PRKAR1B: variants seen among roughly 807,000 people sequenced by gnomAD.
PRKAR1B encodes cAMP-dependent protein kinase type I-beta regulatory subunit.
A neutral mutation model predicts 46.5 loss-of-function variants in PRKAR1B; 22 were observed. That is an observed-to-expected ratio of 0.47 (90% CI 0.34 to 0.68). The LOEUF (loss-of-function observed/expected upper bound fraction) is 0.68, where lower values mean the gene tolerates loss of function less well. Ranked by LOEUF, PRKAR1B falls within the 30% of genes least tolerant of loss-of-function variation. The pLI, the probability that PRKAR1B is intolerant of heterozygous loss-of-function variation, is 0.01. For synonymous variants in PRKAR1B, 259 were observed against 217.7 expected (o/e 1.19, Z -1.67); for missense variants, 445 against 535.6 (o/e 0.83, Z 1.67).
chr7:570,899 C>G (rs899619002), intron 9 of PRKAR1B, among the ~76,000 whole-genome samples: 1 of 152,150 alleles, frequency 6.6e-6, no homozygotes, highest in African/African-American at 2.4e-5. Context: ...CCAGCACTCT[C>G]TGTGTCGGGT....
chr7:615,968 CAGAA>C (rs747301907), intron 4 of PRKAR1B, among the ~76,000 whole-genome samples: 107 of 148,142 alleles, frequency 7.2e-4, no homozygotes, highest in South Asian at 2.4e-3. Context: ...AAAAAAGAAA[CAGAA>C]AGAGAGAAAG....
At chr7:551,879 A>C (rs1450768561) in intron 9 of PRKAR1B, among the ~76,000 whole-genome samples, 9 of 35,550 alleles carry the variant, frequency 2.5e-4, no homozygotes, top group Admixed American at 7.9e-4. Context: ...CCAAACCCCC[A>C]CCTCCCGCCC....
intron 2 of PRKAR1B, among the ~76,000 whole-genome samples, chr7:703,613 G>A (rs796567406): frequency 5.3e-5 from 8 of 149,784 alleles, no homozygotes; most frequent in South Asian, 4.2e-4. Context: ...CCGAGATCAC[G>A]TCACTGCACT....
chr7:554,995 G>C (rs563256986), intron 9 of PRKAR1B, among the ~76,000 whole-genome samples: 1 of 152,314 alleles, frequency 6.6e-6, no homozygotes, highest in South Asian at 2.1e-4. Flanking sequence ...GGGGCACAGA[G>C]GCTGCCGTGG....
intron 8 of PRKAR1B, among the ~76,000 whole-genome samples, chr7:580,521 T>C (rs1583239139): frequency 6.6e-6 from 1 of 152,162 alleles, no homozygotes; most frequent in East Asian, 1.9e-4. Flanking sequence ...TGTTGCAACA[T>C]TAAGGCACAG....
chr7:706,707 G>A (rs1455000821), intron 2 of PRKAR1B, among the ~76,000 whole-genome samples: 1 of 151,328 alleles, frequency 6.6e-6, no homozygotes, highest in Non-Finnish European at 1.5e-5. Flanking sequence ...TTACAGGCAT[G>A]AGCCACCGCG....
chr7:677,109 C>T lies in PRKAR1B; in HGVS notation c.440+120G>A. ...ATTCCCAGGCGAGCAACGGGGGCTG[C>T]CCACCTCCTGGAGGCCAGGGAGGGA... On this transcript the variant is annotated intron_variant, in intron 4 of 10. Coordinates refer to ENST00000537384, the MANE Select transcript of PRKAR1B (RefSeq NM_001164760.2). 13 of 965,442 alleles carry T rather than the reference C, an allele frequency of 1.3e-5. No homozygotes were observed. In the South Asian group the frequency reaches 1.6e-4, roughly 12 times the overall value. The allele number at this position is 965,442 out of a possible 1,614,324, so 59.8% of individuals were successfully genotyped here.
At chr7:619,673 T>C (rs1783009475) in intron 4 of PRKAR1B, among the ~76,000 whole-genome samples, 1 of 152,258 alleles carries the variant, frequency 6.6e-6, no homozygotes, top group African/African-American at 2.4e-5. Context: ...CACGCCATTG[T>C]TCTGCCGTCC....
chr7:582,296 G>A (rs1373659545), intron 8 of PRKAR1B, among the ~76,000 whole-genome samples: 3 of 152,256 alleles, frequency 2.0e-5, no homozygotes, highest in Non-Finnish European at 2.9e-5. Flanking sequence ...CGGGGTCCCA[G>A]GAGCATCCAG....
At chr7:596,422 C>A in intron 6 of PRKAR1B, 118 bp from the exon 7 acceptor site, 1 of 1,271,218 alleles carries the variant, frequency 7.9e-7, no homozygotes, top group Non-Finnish European at 1.1e-6. Context: ...GGGCGGGGCA[C>A]AAGCCCTTTC....
intron 4 of PRKAR1B, among the ~76,000 whole-genome samples, chr7:645,380 G>T (rs1456471050): frequency 4.6e-5 from 7 of 152,204 alleles, no homozygotes; most frequent in Non-Finnish European, 1.0e-4. Flanking sequence ...CTTGGGCGCA[G>T]TGGCTCAAGC....
Position 593,366 on chromosome 7 carries a change from C to T in PRKAR1B, c.708+2780G>A, listed in dbSNP as rs1781093899. 6.6e-6 allele frequency among the ~76,000 whole-genome samples: 1 copy of T among 152,182 alleles called. No homozygotes were observed. The highest frequency in any genetic ancestry group is 2.4e-5 in the African/African-American group (1 of 41,454). On this transcript the variant is annotated intron_variant, in intron 7 of 10. Transcript: ENST00000537384. The surrounding 1 kb of genome is among the most constrained non-coding windows in gnomAD (Gnocchi z 6.1). ...CTGTGTGAGGAGCTCGGGGCCAATA[C>T]AGAAACAGACACCATCCTGCAAATG...
intron 4 of PRKAR1B, among the ~76,000 whole-genome samples, chr7:653,311 G>T (rs78004814): frequency 1.1e-4 from 17 of 152,266 alleles, no homozygotes; most frequent in African/African-American, 4.1e-4. Flanking sequence ...AAAGACCCAG[G>T]TTCTGTCCAT....
intron 2 of PRKAR1B, among the ~76,000 whole-genome samples, chr7:701,507 A>C (rs1780068615): frequency 6.6e-6 from 1 of 152,178 alleles, no homozygotes; most frequent in Non-Finnish European, 1.5e-5. Flanking sequence ...AATATGTTGA[A>C]AGGTATAAAT....
intron 6 of PRKAR1B, among the ~76,000 whole-genome samples, chr7:605,448 T>C (rs1341448511): frequency 6.6e-6 from 1 of 152,186 alleles, no homozygotes; most frequent in Non-Finnish European, 1.5e-5. Flanking sequence ...GCAGAAGAGA[T>C]GGGAGCCAGA....
intron 6 of PRKAR1B, among the ~76,000 whole-genome samples, chr7:604,695 C>T (rs984396336): frequency 1.3e-5 from 2 of 152,194 alleles, no homozygotes; most frequent in East Asian, 1.9e-4. Context: ...GCGGCTGCCA[C>T]GGAAACAAAT....
intron 7 of PRKAR1B, among the ~76,000 whole-genome samples, chr7:589,725 C>T (rs930034800): frequency 6.6e-6 from 1 of 152,244 alleles, no homozygotes; most frequent in Non-Finnish European, 1.5e-5. Context: ...CCTCCACTCA[C>T]ACACTCAGCA....
In PRKAR1B at chr7:560,552, T is replaced by G. The variant is rs1405321394; in HGVS notation, c.892-9082A>C. On this transcript the variant is annotated intron_variant, in intron 9 of 10. Transcript: ENST00000537384. The surrounding 1 kb of genome is among the most constrained non-coding windows in gnomAD (Gnocchi z 4.2). ...TGACCTGGCCAGGAACAAATGGGACTGAGGAGGCTCCTGTCCTGCACCTTG... is the reference window on the plus strand; with the variant it reads ...TGACCTGGCCAGGAACAAATGGGACGGAGGAGGCTCCTGTCCTGCACCTTG... Among the ~76,000 whole-genome samples the G allele has an allele frequency of 6.6e-6, 1 of 152,134 alleles. No individual in the cohort carries two copies. The highest frequency in any genetic ancestry group is 1.5e-5 in the Non-Finnish European group (1 of 68,024).
At chr7:564,428 C>T (rs1260877753) in intron 9 of PRKAR1B, among the ~76,000 whole-genome samples, 4 of 152,242 alleles carry the variant, frequency 2.6e-5, no homozygotes, top group East Asian at 3.9e-4. Flanking sequence ...GCCCTGTCTC[C>T]GTGGCTCGAA....
Sources: allele counts gnomAD v4.1 joint callset (sites outside exome capture counted in the v4.1 genomes callset), GRCh38; gene constraint gnomAD v4.1.1; non-coding constraint Gnocchi (gnomAD v3.1); transcripts MANE v1.5; gene names NCBI Gene and HGNC (gene_info 2026-07-23, HGNC 2026-07-21).